ARB2A: variants seen among roughly 807,000 people sequenced by gnomAD.
ARB2A encodes cotranscriptional regulator ARB2A.
chr5:93,766,995 C>T, the ARB2A span, among the ~76,000 whole-genome samples: 33 of 138,958 alleles, frequency 2.4e-4, no homozygotes, highest in Non-Finnish European at 3.7e-4. Context: ...ACAATGAGAA[C>T]ACATGGACAC....
the ARB2A span, among the ~76,000 whole-genome samples, chr5:94,000,451 T>G: frequency 1.8e-4 from 28 of 152,228 alleles, no homozygotes; most frequent in African/African-American, 6.5e-4. Flanking sequence ...ATTTTCCATC[T>G]GCATAGCTTC....
chr5:93,888,965 T>C, the ARB2A span, among the ~76,000 whole-genome samples: 3 of 151,782 alleles, frequency 2.0e-5, no homozygotes, highest in African/African-American at 4.8e-5. Flanking sequence ...ATGCTAGTTA[T>C]ACTTAAGAGT....
chr5:94,043,059 T>C, the ARB2A span, among the ~76,000 whole-genome samples: 2 of 152,122 alleles, frequency 1.3e-5, no homozygotes, highest in African/African-American at 2.4e-5. Context: ...TAATCCTCTT[T>C]AGAAGGTGGT....
chr5:93,726,648 A>G, the ARB2A span, among the ~76,000 whole-genome samples: 1 of 152,042 alleles, frequency 6.6e-6, no homozygotes, highest in African/African-American at 2.4e-5. Context: ...TGGGGTTTTC[A>G]GTTTACATGA....
At chr5:94,014,113 G>A in the ARB2A span, among the ~76,000 whole-genome samples, 35 of 152,304 alleles carry the variant, frequency 2.3e-4, no homozygotes, top group African/African-American at 8.4e-4. Flanking sequence ...ACAAACAGGG[G>A]AAGTGGAACT....
chr5:93,923,669 G>T, the ARB2A span, among the ~76,000 whole-genome samples: 2 of 152,060 alleles, frequency 1.3e-5, no homozygotes. Context: ...AATCAGCCAG[G>T]CGTGGTGTTG....
the ARB2A span, among the ~76,000 whole-genome samples, chr5:93,872,199 C>T: frequency 1.4e-4 from 22 of 152,138 alleles, no homozygotes; most frequent in African/African-American, 5.1e-4. Context: ...CCGCCTGCCT[C>T]GGCCTCCCAA....
the ARB2A span, among the ~76,000 whole-genome samples, chr5:93,732,530 G>T: frequency 6.6e-6 from 1 of 151,666 alleles, no homozygotes; most frequent in Non-Finnish European, 1.5e-5. Context: ...ACATATGGCA[G>T]GTGTCTTCAC....
chr5:93,837,926 G>A, the ARB2A span, among the ~76,000 whole-genome samples: 1 of 152,102 alleles, frequency 6.6e-6, no homozygotes, highest in African/African-American at 2.4e-5. Context: ...CAGATGCATA[G>A]TAAGCAAATA....
At chr5:93,647,357 G>A in the ARB2A span, among the ~76,000 whole-genome samples, 1 of 152,108 alleles carries the variant, frequency 6.6e-6, no homozygotes, top group Non-Finnish European at 1.5e-5. Context: ...CTCCAGAGTA[G>A]CTGAGATTAC....
the ARB2A span, among the ~76,000 whole-genome samples, chr5:93,648,315 C>T: frequency 2.6e-5 from 4 of 151,938 alleles, no homozygotes; most frequent in Non-Finnish European, 5.9e-5. Context: ...ATTTTAAGTA[C>T]ATTATGTTAG....
At chr5:94,080,370 C>T in the ARB2A span, among the ~76,000 whole-genome samples, 335 of 152,256 alleles carry the variant, frequency 2.2e-3, no homozygotes, top group African/African-American at 7.7e-3. Flanking sequence ...CATGAAATAA[C>T]AGTAATAACA....
At chr5:93,966,471 CTTAT>C in the ARB2A span, among the ~76,000 whole-genome samples, 1 of 152,030 alleles carries the variant, frequency 6.6e-6, no homozygotes, top group Non-Finnish European at 1.5e-5. Context: ...TCAAAAATTG[CTTAT>C]TTAGCTTTGA....
the ARB2A span, among the ~76,000 whole-genome samples, chr5:93,859,712 T>C: frequency 2.0e-5 from 3 of 152,100 alleles, no homozygotes; most frequent in Admixed American, 6.5e-5. Context: ...CGAAAACATA[T>C]ACAACCTAAC....
At chr5:93,620,903 G>C in the ARB2A span, 63 of 1,536,628 alleles carry the variant, frequency 4.1e-5, no homozygotes, top group Non-Finnish European at 5.0e-5. Flanking sequence ...TCTAATGAGG[G>C]GCTGGGAGTC....
chr5:94,035,196 C>CATACATATACTTATACATATACAT, the ARB2A span, among the ~76,000 whole-genome samples: 1 of 129,630 alleles, frequency 7.7e-6, no homozygotes. Context: ...GGATCTTATA[C>CATACATATACTTATACATATACAT]ATACATATAC....
the ARB2A span, among the ~76,000 whole-genome samples, chr5:94,003,602 A>G: frequency 6.6e-6 from 1 of 152,144 alleles, no homozygotes; most frequent in Non-Finnish European, 1.5e-5. Context: ...AAAATATAAT[A>G]TTTACAATCA....
chr5:93,841,579 T>C, the ARB2A span, among the ~76,000 whole-genome samples: 1 of 152,198 alleles, frequency 6.6e-6, no homozygotes, highest in African/African-American at 2.4e-5. Context: ...TTTAATCCTA[T>C]GAATTAGGTA....
chr5:93,801,535 T>G, the ARB2A span, among the ~76,000 whole-genome samples: 1 of 152,122 alleles, frequency 6.6e-6, no homozygotes, highest in Non-Finnish European at 1.5e-5. Flanking sequence ...TGAACTAAAT[T>G]ATTAAAAATA....
Sources: allele counts gnomAD v4.1 joint callset (sites outside exome capture counted in the v4.1 genomes callset), GRCh38; gene constraint gnomAD v4.1.1; transcripts MANE v1.5; gene names NCBI Gene and HGNC (gene_info 2026-07-23, HGNC 2026-07-21).